NELL2: variants seen among roughly 807,000 people sequenced by gnomAD.
The protein encoded by NELL2 is protein kinase C-binding protein NELL2.
A neutral mutation model predicts 109.6 loss-of-function variants in NELL2; 41 were observed. The ratio of observed to expected loss-of-function variants is 0.37; its 90% CI spans 0.29 to 0.49. The LOEUF is 0.49. NELL2 is among the 20% of genes least tolerant of loss of function. The pLI, the probability that NELL2 is intolerant of heterozygous loss-of-function variation, is 0.98. For missense variants in NELL2, 900 were observed against 1,008.3 expected (o/e 0.89, Z 1.45); for synonymous variants, 355 against 344.7 (o/e 1.03, Z -0.33).
At chr12:44,682,228 G>A (rs1468238693) in intron 12 of NELL2, among the ~76,000 whole-genome samples, 1 of 150,398 alleles carries the variant, frequency 6.6e-6, no homozygotes, top group Non-Finnish European at 1.5e-5. Flanking sequence ...TTTGAGAAGT[G>A]TCTGTTCATG....
chr12:44,913,562 C>T (rs1276103746), intron 1 of NELL2, among the ~76,000 whole-genome samples: 5 of 152,068 alleles, frequency 3.3e-5, no homozygotes, highest in African/African-American at 1.2e-4. Flanking sequence ...ATTGGGAGGT[C>T]AAGGTAGGAT....
intron 13 of NELL2, among the ~76,000 whole-genome samples, chr12:44,629,233 A>G (rs1312155377): frequency 6.6e-6 from 1 of 152,208 alleles, no homozygotes; most frequent in African/African-American, 2.4e-5. Context: ...TATAAAGGCA[A>G]AATATCAGGT....
intron 9 of NELL2, among the ~76,000 whole-genome samples, chr12:44,725,078 A>T (rs926453202): frequency 2.0e-5 from 3 of 152,168 alleles, no homozygotes; most frequent in Non-Finnish European, 4.4e-5. Context: ...CAGAAAATTG[A>T]AGCTGGACCC....
intron 12 of NELL2, among the ~76,000 whole-genome samples, chr12:44,700,418 C>A (rs148958769): frequency 1.3e-5 from 2 of 152,250 alleles, no homozygotes; most frequent in East Asian, 3.9e-4. Context: ...AACTCTTAAT[C>A]TTTAGTGTGA....
At chr12:44,817,806 A>G (rs776763587) in intron 2 of NELL2, among the ~76,000 whole-genome samples, 1 of 151,580 alleles carries the variant, frequency 6.6e-6, no homozygotes, top group Non-Finnish European at 1.5e-5. Flanking sequence ...CAAACAAAAA[A>G]CTCCCTATTT....
At chr12:44,524,034 C>G (rs1178056584) in intron 16 of NELL2, among the ~76,000 whole-genome samples, 1 of 152,142 alleles carries the variant, frequency 6.6e-6, no homozygotes, top group African/African-American at 2.4e-5. Flanking sequence ...CCTTGCATTC[C>G]AGGCATTTTC....
intron 3 of NELL2, among the ~76,000 whole-genome samples, chr12:44,794,055 C>CCT (rs1046811044): frequency 6.6e-6 from 1 of 152,172 alleles, no homozygotes; most frequent in Non-Finnish European, 1.5e-5. Context: ...TGGCTCCCCC[C>CCT]GTTGTCCCCT....
intron 15 of NELL2, among the ~76,000 whole-genome samples, chr12:44,604,578 G>A (rs2060841): frequency 0.48 from 73,347 of 151,920 alleles, 18,702 homozygotes; most frequent in African/African-American, 0.65. Flanking sequence ...GGCAGGCCTT[G>A]TACTGTTTCG....
chr12:44,671,270 A>T (rs1379268524), intron 12 of NELL2, among the ~76,000 whole-genome samples: 1 of 152,210 alleles, frequency 6.6e-6, no homozygotes, highest in Non-Finnish European at 1.5e-5. Flanking sequence ...ACACAGCAAA[A>T]CCTAAAGGAT....
At chr12:44,531,332 T>C (rs1386701295) in intron 16 of NELL2, among the ~76,000 whole-genome samples, 1 of 152,172 alleles carries the variant, frequency 6.6e-6, no homozygotes, top group Non-Finnish European at 1.5e-5. Context: ...ACAAACAAAG[T>C]AGCTTATCAG....
Position 44,779,650 on chromosome 12 carries a change from T to C in NELL2, c.606+13A>G, listed in dbSNP as rs753482527. ...CATTTACATTTCATTCTCAGACTTT[T>C]GCCAAAAGATACCTTAAAATATCCA... On this transcript the variant is annotated intron_variant, in intron 5 of 19. Transcript: ENST00000429094. 3 of 1,603,500 alleles carry C rather than the reference T, an allele frequency of 1.9e-6. No homozygotes were observed. Among genetic ancestry groups the C allele is most frequent in the Admixed American group, 1.7e-5 (1 of 59,766 alleles).
At position 44,774,740 on chromosome 12, in the gene NELL2, T is replaced by C. The variant is rs369605366; in HGVS notation, c.994+7A>G. 9 of 1,604,570 alleles carry C rather than the reference T, an allele frequency of 5.6e-6. No homozygotes were observed. The African/African-American group carries it at 1.2e-4, about 21-fold the overall frequency. ...AAGAAAGTATTCATCATAAAAGTTA[T>C]GCTCACATTTGCATTCCTTACAGCA... is the stretch of plus-strand genomic sequence containing the variant. On this transcript the variant is annotated splice_region_variant and intron_variant, in intron 9 of 19. Coordinates refer to ENST00000429094, the MANE Select transcript of NELL2 (RefSeq NM_001145108.2).
At chr12:44,590,908 A>C (rs1944720537) in intron 15 of NELL2, among the ~76,000 whole-genome samples, 1 of 151,572 alleles carries the variant, frequency 6.6e-6, no homozygotes, top group African/African-American at 2.4e-5. Context: ...AAAAAAAAAA[A>C]CCAACCTTGA....
intron 2 of NELL2, among the ~76,000 whole-genome samples, chr12:44,868,037 T>C (rs1049806968): frequency 6.6e-6 from 1 of 150,560 alleles, no homozygotes; most frequent in Admixed American, 6.6e-5. Flanking sequence ...GGAGAATAAT[T>C]TGAACCTAGG....
At chr12:44,546,008 T>G (rs536181271) in intron 15 of NELL2, among the ~76,000 whole-genome samples, 1 of 152,272 alleles carries the variant, frequency 6.6e-6, no homozygotes, top group East Asian at 1.9e-4. Context: ...TAGTTTACTG[T>G]GAGCTTTCTA....
intron 15 of NELL2, among the ~76,000 whole-genome samples, chr12:44,566,666 C>T (rs1464545772): frequency 1.3e-5 from 2 of 152,160 alleles, no homozygotes; most frequent in Non-Finnish European, 2.9e-5. Context: ...GTTCAAATCT[C>T]GGCAATGGCC....
intron 13 of NELL2, among the ~76,000 whole-genome samples, chr12:44,655,422 C>A (rs1396130415): frequency 6.6e-6 from 1 of 152,192 alleles, no homozygotes; most frequent in Non-Finnish European, 1.5e-5. Context: ...AGAGCACAGA[C>A]TCCTTTCCAA....
chr12:44,641,182 C>T (rs879925267), intron 13 of NELL2, among the ~76,000 whole-genome samples: 1 of 152,174 alleles, frequency 6.6e-6, no homozygotes, highest in Non-Finnish European at 1.5e-5. Flanking sequence ...TGGCATACTG[C>T]TAAGGGAAAA....
intron 9 of NELL2, among the ~76,000 whole-genome samples, chr12:44,774,203 G>A (rs545040104): frequency 2.0e-5 from 3 of 152,180 alleles, no homozygotes; most frequent in Non-Finnish European, 2.9e-5. Flanking sequence ...TCTGACAACC[G>A]AAGTGAACTG....
Sources: allele counts gnomAD v4.1 joint callset (sites outside exome capture counted in the v4.1 genomes callset), GRCh38; gene constraint gnomAD v4.1.1; transcripts MANE v1.5; gene names NCBI Gene and HGNC (gene_info 2026-07-23, HGNC 2026-07-21).